The following LDLRAD3 variants were observed in gnomAD, a reference collection of about 807,000 sequenced individuals.
LDLRAD3 encodes low-density lipoprotein receptor class A domain-containing protein 3.
Under a neutral mutation model 29.4 loss-of-function variants are expected in LDLRAD3, and 20 were observed. The ratio of observed to expected loss-of-function variants is 0.68; its 90% CI spans 0.48 to 0.99. The LOEUF (loss-of-function observed/expected upper bound fraction) is 0.99, where lower values mean the gene tolerates loss of function less well. Ranked by LOEUF, LDLRAD3 falls within the 50% of genes least tolerant of loss-of-function variation. LDLRAD3 has a pLI of 0.00. For synonymous variants in LDLRAD3, 157 were observed against 192.7 expected, an observed-to-expected ratio of 0.81 and a Z score of 1.53; for missense variants, 420 against 454.3, an observed-to-expected ratio of 0.92 and a Z score of 0.69.
chr11:36,147,776 A>G (rs60598097), intron 4 of LDLRAD3, among the ~76,000 whole-genome samples: 3,157 of 152,322 alleles, frequency 0.021, 117 homozygotes, highest in African/African-American at 0.072. Context: ...GACTTTGCAT[A>G]TGCCCTGTGG....
intron 2 of LDLRAD3, among the ~76,000 whole-genome samples, chr11:36,057,711 C>G (rs1852642066): frequency 6.6e-6 from 1 of 152,212 alleles, no homozygotes; most frequent in Non-Finnish European, 1.5e-5. Context: ...CGTCAGTTGC[C>G]TGGAAATGAA....
intron 1 of LDLRAD3, among the ~76,000 whole-genome samples, chr11:35,998,665 G>T (rs561493762): frequency 1.3e-5 from 2 of 152,334 alleles, no homozygotes; most frequent in Admixed American, 6.5e-5. Context: ...GTTTATGAAG[G>T]TTGCAGATCT....
chr11:36,192,582 G>T (rs1038470801), intron 4 of LDLRAD3, among the ~76,000 whole-genome samples: 1 of 152,184 alleles, frequency 6.6e-6, no homozygotes, highest in Admixed American at 6.5e-5. Flanking sequence ...ATGCTGCCCT[G>T]CTCTTCAAAG....
chr11:35,970,372 G>C (rs1219535859), intron 1 of LDLRAD3, among the ~76,000 whole-genome samples: 1 of 152,194 alleles, frequency 6.6e-6, no homozygotes, highest in Non-Finnish European at 1.5e-5. Flanking sequence ...TGTGAAGACA[G>C]AGGCAGACAC....
chr11:35,959,607 A>G (rs1320669952), intron 1 of LDLRAD3, among the ~76,000 whole-genome samples: 2 of 152,196 alleles, frequency 1.3e-5, no homozygotes, highest in East Asian at 3.8e-4. Context: ...ATATGTCATT[A>G]TAATTCAGGC....
Position 36,020,190 on chromosome 11 carries a change from C to A in LDLRAD3, c.47-15913C>A, listed in dbSNP as rs190332786. 3.9e-5 allele frequency among the ~76,000 whole-genome samples: 6 copies of A among 152,298 alleles called. No individual in the cohort carries two copies. The East Asian group carries it at 1.2e-3, about 29-fold the overall frequency. ...GAAGAATTACTGGTTTACACTCAAG[C>A]TAATCTGGAGGTAAAGGTTGCCTCA... On this transcript the variant is annotated intron_variant, in intron 1 of 5. Coordinates refer to ENST00000315571, the MANE Select transcript of LDLRAD3 (RefSeq NM_174902.4).
At chr11:36,042,610 G>A (rs1852396383) in intron 2 of LDLRAD3, among the ~76,000 whole-genome samples, 1 of 152,180 alleles carries the variant, frequency 6.6e-6, no homozygotes, top group South Asian at 2.1e-4. Context: ...TTCCTGTGTT[G>A]AAGTCCTAAC....
chr11:36,169,379 G>A (rs916923307), intron 4 of LDLRAD3, among the ~76,000 whole-genome samples: 4 of 152,106 alleles, frequency 2.6e-5, no homozygotes, highest in African/African-American at 9.7e-5. Flanking sequence ...TTGAATACTA[G>A]GACTTATTCC....
chr11:36,032,336 C>G (rs1294498719), intron 1 of LDLRAD3, among the ~76,000 whole-genome samples: 2 of 152,132 alleles, frequency 1.3e-5, no homozygotes, highest in South Asian at 2.1e-4. Flanking sequence ...GGAGATGGTT[C>G]GAAATGAATA....
chr11:36,178,656 A>G (rs921027897), intron 4 of LDLRAD3, among the ~76,000 whole-genome samples: 4 of 152,110 alleles, frequency 2.6e-5, no homozygotes, highest in African/African-American at 9.7e-5. Context: ...CTCTCCTTCC[A>G]CTGACCAGCG....
intron 2 of LDLRAD3, among the ~76,000 whole-genome samples, chr11:36,039,780 G>T (rs1026677290): frequency 2.0e-5 from 3 of 152,126 alleles, no homozygotes; most frequent in African/African-American, 4.8e-5. Flanking sequence ...CTATGTTTCA[G>T]TCTCTTCTGT....
At chr11:36,140,747 A>G (rs994806113) in intron 4 of LDLRAD3, among the ~76,000 whole-genome samples, 1 of 152,144 alleles carries the variant, frequency 6.6e-6, no homozygotes, top group Admixed American at 6.5e-5. Flanking sequence ...AGCATATGGA[A>G]ACCAATATTA....
intron 4 of LDLRAD3, among the ~76,000 whole-genome samples, chr11:36,108,456 T>C (rs1197090179): frequency 6.6e-6 from 1 of 151,058 alleles, no homozygotes; most frequent in Non-Finnish European, 1.5e-5. Flanking sequence ...CTAATAGAGC[T>C]CATATTCTAT....
At chr11:36,131,393 C>T (rs909125165) in intron 4 of LDLRAD3, among the ~76,000 whole-genome samples, 5 of 152,118 alleles carry the variant, frequency 3.3e-5, no homozygotes, top group African/African-American at 1.2e-4. Context: ...GTGAGGTTTT[C>T]GAAATGAACA....
chr11:36,142,134 C>A (rs111252384), intron 4 of LDLRAD3, among the ~76,000 whole-genome samples: 1,761 of 152,284 alleles, frequency 0.012, 42 homozygotes, highest in African/African-American at 0.04. Context: ...GGTTTCCGGA[C>A]AGATGGTGCC....
At chr11:36,069,654 A>G (rs986008534) in intron 2 of LDLRAD3, among the ~76,000 whole-genome samples, 1 of 151,034 alleles carries the variant, frequency 6.6e-6, no homozygotes, top group Non-Finnish European at 1.5e-5. Flanking sequence ...TTTTTTAATT[A>G]ATGAAAAGAT....
At chr11:35,963,298 A>G (rs546798093) in intron 1 of LDLRAD3, among the ~76,000 whole-genome samples, 2 of 152,178 alleles carry the variant, frequency 1.3e-5, no homozygotes, top group Non-Finnish European at 2.9e-5. Flanking sequence ...TCCTTAGGAA[A>G]TGATCTTCAG....
chr11:35,949,917 T>C (rs546686378), intron 1 of LDLRAD3, among the ~76,000 whole-genome samples: 1 of 152,360 alleles, frequency 6.6e-6, no homozygotes, highest in South Asian at 2.1e-4. Context: ...AAAAGCCTTC[T>C]GTAGTGAGGA....
At chr11:36,113,250 A>C (rs1391846592) in intron 4 of LDLRAD3, among the ~76,000 whole-genome samples, 1 of 152,160 alleles carries the variant, frequency 6.6e-6, no homozygotes, top group African/African-American at 2.4e-5. Context: ...GGCTAAAATG[A>C]GATGCAGGTT....
Sources: allele counts gnomAD v4.1 joint callset (sites outside exome capture counted in the v4.1 genomes callset), GRCh38; gene constraint gnomAD v4.1.1; transcripts MANE v1.5; gene names NCBI Gene and HGNC (gene_info 2026-07-23, HGNC 2026-07-21).